Variants in RPSA2 observed in about 807,000 individuals in gnomAD.
RPSA2 encodes small ribosomal subunit protein uS2B.
chr19:23,792,998 A>G, the RPSA2 span, among the ~76,000 whole-genome samples: 1 of 152,160 alleles, frequency 6.6e-6, no homozygotes, highest in Non-Finnish European at 1.5e-5. Context: ...ATGGGGTTGT[A>G]TGGTGGCTCA....
the RPSA2 span, among the ~76,000 whole-genome samples, chr19:23,814,666 T>C: frequency 1.2e-4 from 18 of 152,242 alleles, no homozygotes; most frequent in Non-Finnish European, 2.5e-4. Flanking sequence ...GTAAGTTGTA[T>C]TGACATCTTT....
chr19:23,867,228 C>A, the RPSA2 span, among the ~76,000 whole-genome samples: 5 of 152,276 alleles, frequency 3.3e-5, no homozygotes, highest in Non-Finnish European at 5.9e-5. Context: ...CCCATCCTGG[C>A]CCCTCAGACT....
At chr19:23,861,990 T>C in the RPSA2 span, among the ~76,000 whole-genome samples, 2 of 152,250 alleles carry the variant, frequency 1.3e-5, no homozygotes, top group East Asian at 3.9e-4. Flanking sequence ...TTCATGATAT[T>C]GATTCTTCCT....
At chr19:23,763,765 A>C in the RPSA2 span, among the ~76,000 whole-genome samples, 1 of 152,170 alleles carries the variant, frequency 6.6e-6, no homozygotes, top group African/African-American at 2.4e-5. Context: ...GCACTGCGCC[A>C]AGCCTCTTCT....
At chr19:23,853,049 C>T in the RPSA2 span, among the ~76,000 whole-genome samples, 1 of 152,158 alleles carries the variant, frequency 6.6e-6, no homozygotes, top group African/African-American at 2.4e-5. Context: ...AAATTGAGCT[C>T]CAACTGGTGA....
the RPSA2 span, among the ~76,000 whole-genome samples, chr19:23,759,522 G>GTTTTTTTTTTTTT: frequency 9.0e-3 from 801 of 89,022 alleles, 96 homozygotes; most frequent in Middle Eastern, 0.016. Context: ...TATATATCAG[G>GTTTTTTTTTTTTT]TTTTTTTTTT....
At chr19:23,864,446 A>G in the RPSA2 span, among the ~76,000 whole-genome samples, 1 of 152,200 alleles carries the variant, frequency 6.6e-6, no homozygotes, top group African/African-American at 2.4e-5. Flanking sequence ...CCCATACCCC[A>G]AAGCATAGAA....
At chr19:23,805,519 A>T in the RPSA2 span, among the ~76,000 whole-genome samples, 2 of 151,622 alleles carry the variant, frequency 1.3e-5, no homozygotes, top group Non-Finnish European at 2.9e-5. Flanking sequence ...AAATGGGTAG[A>T]GTTTTTCTGT....
At chr19:23,805,743 A>G in the RPSA2 span, among the ~76,000 whole-genome samples, 1 of 152,148 alleles carries the variant, frequency 6.6e-6, no homozygotes, top group Non-Finnish European at 1.5e-5. Context: ...CTGGATTGCC[A>G]TGTGCTTAGT....
chr19:23,847,719 C>A, the RPSA2 span, among the ~76,000 whole-genome samples: 2 of 152,112 alleles, frequency 1.3e-5, no homozygotes, highest in Non-Finnish European at 2.9e-5. Context: ...TCCTAGTAAG[C>A]CTGAGGGTAC....
the RPSA2 span, among the ~76,000 whole-genome samples, chr19:23,774,318 A>G: frequency 6.6e-6 from 1 of 151,812 alleles, no homozygotes; most frequent in African/African-American, 2.4e-5. Context: ...TGTGACATAT[A>G]TTTCCACTCA....
chr19:23,852,345 G>GACACACAC, the RPSA2 span, among the ~76,000 whole-genome samples: 28 of 151,642 alleles, frequency 1.8e-4, no homozygotes, highest in African/African-American at 6.8e-4. Flanking sequence ...AGGAATTAAA[G>GACACACAC]ACACACACAC....
At chr19:23,847,238 C>T in the RPSA2 span, among the ~76,000 whole-genome samples, 2 of 149,790 alleles carry the variant, frequency 1.3e-5, no homozygotes, top group Non-Finnish European at 1.5e-5. Flanking sequence ...ATGTCTATCT[C>T]CTTGGCACAT....
At chr19:23,769,527 A>G in the RPSA2 span, among the ~76,000 whole-genome samples, 1 of 152,156 alleles carries the variant, frequency 6.6e-6, no homozygotes, top group Non-Finnish European at 1.5e-5. Context: ...TATTTTTAGT[A>G]GAGATGAGGT....
chr19:23,791,595 C>T, the RPSA2 span, among the ~76,000 whole-genome samples: 3 of 152,318 alleles, frequency 2.0e-5, no homozygotes, highest in South Asian at 2.1e-4. Flanking sequence ...TCCCATATTC[C>T]TCCAGCCTAA....
At chr19:23,860,783 A>C in the RPSA2 span, among the ~76,000 whole-genome samples, 1 of 152,364 alleles carries the variant, frequency 6.6e-6, no homozygotes, top group South Asian at 2.1e-4. Flanking sequence ...AGCTGGTAGC[A>C]TGCATGACTT....
chr19:23,797,461 T>C, the RPSA2 span, among the ~76,000 whole-genome samples: 1 of 152,204 alleles, frequency 6.6e-6, no homozygotes, highest in African/African-American at 2.4e-5. Flanking sequence ...GTTTTTGCCT[T>C]AATTTCATTA....
the RPSA2 span, among the ~76,000 whole-genome samples, chr19:23,848,027 A>G: frequency 9.9e-5 from 15 of 152,228 alleles, no homozygotes; most frequent in South Asian, 2.9e-3. Context: ...TTCAAGGTGC[A>G]CTGATTTCGT....
the RPSA2 span, among the ~76,000 whole-genome samples, chr19:23,833,876 A>T: frequency 6.6e-6 from 1 of 152,070 alleles, no homozygotes; most frequent in Non-Finnish European, 1.5e-5. Flanking sequence ...CTAGAGGAAA[A>T]CCCTGAGGCA....
Sources: gnomAD v4.1 joint callset for allele counts (sites outside exome capture counted in the v4.1 genomes callset) on GRCh38, gnomAD v4.1.1 for gene constraint, MANE v1.5 for transcripts, NCBI Gene and HGNC (gene_info 2026-07-23, HGNC 2026-07-21) for gene names.